Variants in ANKRD44 observed in about 807,000 individuals in gnomAD.
The protein encoded by ANKRD44 is ankyrin repeat domain 44.
In ANKRD44, 35 loss-of-function variants were observed where a neutral mutation model predicts 116.0. That is an observed-to-expected ratio of 0.30 (90% CI 0.23 to 0.40). The LOEUF (loss-of-function observed/expected upper bound fraction) is 0.40. Ranked by LOEUF, ANKRD44 falls within the 10% of genes least tolerant of loss-of-function variation. The pLI is 1.00. For synonymous variants in ANKRD44, 435 were observed against 461.8 expected (o/e 0.94, Z 0.74); for missense variants, 1,014 against 1,242.6 (o/e 0.82, Z 2.77).
rs2076065383 is a variant in ANKRD44 at position 196,999,004 on chromosome 2, C to G, written c.2568G>C (p.Gln856His). 5 of 1,614,196 alleles carry G rather than the reference C, an allele frequency of 3.1e-6. No individual in the cohort carries two copies. The South Asian group carries it at 5.5e-5, about 18-fold the overall frequency. Residue 856 changes from glutamine (Q) to histidine (H), a missense_variant, in exon 24 of 28, where the codon CAG becomes CAC. By Grantham distance (24) the Gln-to-His change is conservative. Transcript: ENST00000282272. ...AAFADHVECL[Q>H]LLLRHSAPVN... is the part of the protein sequence containing the mutation. Reference sequence around the variant, plus strand: ...CTGGAGCACTGTGTCTCAGAAGAAGCTGCAAGCACTCCACATGATCAGCAA... The same window carrying G: ...CTGGAGCACTGTGTCTCAGAAGAAGGTGCAAGCACTCCACATGATCAGCAA...
chr2:197,175,167 G>C (rs756902334), intron 2 of ANKRD44, among the ~76,000 whole-genome samples: 1 of 152,164 alleles, frequency 6.6e-6, no homozygotes, highest in Non-Finnish European at 1.5e-5. Context: ...TTTTCCAAAT[G>C]AAATATCTTG....
chr2:197,060,507 T>G (rs1162622362), intron 16 of ANKRD44, among the ~76,000 whole-genome samples: 1 of 152,200 alleles, frequency 6.6e-6, no homozygotes, highest in Non-Finnish European at 1.5e-5. Context: ...TATCCTAATA[T>G]CCGTCACCTC....
At chr2:197,115,229 T>A (rs2078680020) in intron 8 of ANKRD44, among the ~76,000 whole-genome samples, 1 of 152,226 alleles carries the variant, frequency 6.6e-6, no homozygotes, top group Admixed American at 6.5e-5. Context: ...AGTCTGTCTT[T>A]CTAAGTTGTA....
chr2:197,062,598 GAA>G (rs2077340138), intron 16 of ANKRD44, among the ~76,000 whole-genome samples: 1 of 152,186 alleles, frequency 6.6e-6, no homozygotes, highest in South Asian at 2.1e-4. Context: ...GAAGCACCTG[GAA>G]AATCGGGTCA....
At chr2:197,221,835 C>T (rs1311070079) in intron 1 of ANKRD44, among the ~76,000 whole-genome samples, 5 of 152,142 alleles carry the variant, frequency 3.3e-5, no homozygotes, top group East Asian at 1.9e-4. Flanking sequence ...GACTAGAAAG[C>T]ACAAAAAGTC....
At chr2:197,074,879 A>G (rs2077632871) in intron 16 of ANKRD44, among the ~76,000 whole-genome samples, 1 of 152,170 alleles carries the variant, frequency 6.6e-6, no homozygotes, top group African/African-American at 2.4e-5. Context: ...TAAAACATTG[A>G]GTCGTTTATT....
intron 16 of ANKRD44, among the ~76,000 whole-genome samples, chr2:197,044,237 T>C (rs918407484): frequency 1.3e-5 from 2 of 152,230 alleles, no homozygotes; most frequent in Admixed American, 6.5e-5. Flanking sequence ...TCCTAAATGG[T>C]TGATAAACAG....
At chr2:197,091,902 T>C (rs1275267222) in intron 10 of ANKRD44, among the ~76,000 whole-genome samples, 1 of 152,164 alleles carries the variant, frequency 6.6e-6, no homozygotes, top group Non-Finnish European at 1.5e-5. Context: ...TTTGCATATA[T>C]TTCATAAATC....
intron 18 of ANKRD44, among the ~76,000 whole-genome samples, chr2:197,010,533 T>G (rs962724557): frequency 1.3e-5 from 2 of 152,158 alleles, no homozygotes; most frequent in Non-Finnish European, 2.9e-5. Context: ...TGCACACCAA[T>G]TCCAGGCAGC....
In ANKRD44 at chr2:196,986,830, TAA is replaced by T; in HGVS notation, c.*2759_*2760del. The T allele has an allele frequency of 1.0e-6, 1 of 985,460 alleles. No homozygotes were observed. The highest frequency in any genetic ancestry group is 1.2e-6 in the Non-Finnish European group (1 of 829,918). The allele number at this position is 985,460 out of a possible 1,614,324, so 61.0% of individuals were successfully genotyped here. ...ATTGTTTCAAAGTCATTCACTGAAC[TAA>T]AAGTCATTTTCCCCATTTTTACAGT... On this transcript the variant is annotated 3_prime_UTR_variant, in exon 28 of 28. Coordinates refer to ENST00000282272, the MANE Select transcript of ANKRD44 (RefSeq NM_001195144.2).
At chr2:197,110,248 G>A (rs2078534204) in intron 9 of ANKRD44, among the ~76,000 whole-genome samples, 1 of 152,126 alleles carries the variant, frequency 6.6e-6, no homozygotes, top group South Asian at 2.1e-4. Context: ...AAGTGCCTGG[G>A]ATTACAGACG....
intron 8 of ANKRD44, among the ~76,000 whole-genome samples, chr2:197,120,322 C>T (rs964396119): frequency 1.3e-5 from 2 of 152,144 alleles, no homozygotes; most frequent in African/African-American, 4.8e-5. Context: ...CAGCTCAGTG[C>T]TACATCACTG....
intron 1 of ANKRD44, among the ~76,000 whole-genome samples, chr2:197,264,304 A>C (rs916480038): frequency 3.9e-5 from 6 of 152,208 alleles, no homozygotes; most frequent in African/African-American, 1.4e-4. Context: ...TCAGACCATT[A>C]TAGATGAGAG....
chr2:197,204,719 C>T (rs1372046073), intron 1 of ANKRD44, among the ~76,000 whole-genome samples: 3 of 152,126 alleles, frequency 2.0e-5, no homozygotes, highest in South Asian at 2.1e-4. Context: ...ATCTGTGGAC[C>T]GGATGTAGCC....
intron 1 of ANKRD44, 91 bp downstream of exon 1, chr2:197,310,469 CGCGAGTAAACAGCTCGCG>C (rs1191048717): frequency 1.3e-6 from 1 of 798,512 alleles, no homozygotes; most frequent in Non-Finnish European, 1.5e-6. Context: ...TCCCCTTCGC[CGCGAGTAAACAGCTCGCG>C]GGCGCGCTCC....
chr2:197,306,804 C>G (rs2084086958), intron 1 of ANKRD44, among the ~76,000 whole-genome samples: 1 of 152,160 alleles, frequency 6.6e-6, no homozygotes, highest in African/African-American at 2.4e-5. Flanking sequence ...GTAGGTGACT[C>G]AAGTGTGAAC....
chr2:197,217,162 C>CTCA (rs2081467529), intron 1 of ANKRD44, among the ~76,000 whole-genome samples: 1 of 152,092 alleles, frequency 6.6e-6, no homozygotes, highest in Non-Finnish European at 1.5e-5. Context: ...CCAATGATCT[C>CTCA]TCACATTACT....
chr2:196,990,044 C>CA, intron 27 of ANKRD44: 5 of 1,008,228 alleles, frequency 5.0e-6, no homozygotes, highest in Non-Finnish European at 4.7e-6. Flanking sequence ...CTGTGTTAAA[C>CA]AAAAAAAGCA....
intron 1 of ANKRD44, among the ~76,000 whole-genome samples, chr2:197,276,913 C>T (rs897407458): frequency 7.4e-5 from 11 of 149,612 alleles, no homozygotes; most frequent in Non-Finnish European, 3.0e-5. Flanking sequence ...CTCTCTGGGG[C>T]TAGAACCCAG....
Sources: allele counts gnomAD v4.1 joint callset (sites outside exome capture counted in the v4.1 genomes callset), GRCh38; gene constraint gnomAD v4.1.1; transcripts MANE v1.5; gene names NCBI Gene and HGNC (gene_info 2026-07-23, HGNC 2026-07-21).